PRELID2: variants seen among roughly 807,000 people sequenced by gnomAD.
The protein encoded by PRELID2 is PRELI domain containing 2, also known as PRELI domain-containing protein 2.
In PRELID2, 25 loss-of-function variants were observed where a neutral mutation model predicts 28.4. The observed-to-expected ratio is 0.88, with a 90% CI of 0.64 to 1.23. PRELID2 has a LOEUF of 1.23. Ranked by LOEUF, PRELID2 falls within the 50% of genes most tolerant of loss-of-function variation. The pLI, the probability that PRELID2 is intolerant of heterozygous loss-of-function variation, is 0.00. For missense variants in PRELID2, 201 were observed against 214.4 expected, an observed-to-expected ratio of 0.94 and a Z score of 0.39; for synonymous variants, 76 against 71.6, an observed-to-expected ratio of 1.06 and a Z score of -0.31.
At chr5:145,671,898 T>C (rs888031065) in intron 1 of PRELID2, among the ~76,000 whole-genome samples, 15 of 152,138 alleles carry the variant, frequency 9.9e-5, no homozygotes, top group African/African-American at 3.6e-4. Flanking sequence ...GGAATGTTAT[T>C]GCAATCAAAG....
At chr5:145,712,325 C>A (rs1755717286) in intron 1 of PRELID2, among the ~76,000 whole-genome samples, 1 of 152,104 alleles carries the variant, frequency 6.6e-6, no homozygotes, top group Non-Finnish European at 1.5e-5. Flanking sequence ...GAAGTTATAG[C>A]TATTGTATTT....
chr5:145,322,955 T>A, the PRELID2 span, among the ~76,000 whole-genome samples: 1 of 152,100 alleles, frequency 6.6e-6, no homozygotes, highest in Non-Finnish European at 1.5e-5. Context: ...CACTCCAGCC[T>A]GGTGACAGAG....
intron 1 of PRELID2, among the ~76,000 whole-genome samples, chr5:145,742,592 A>C (rs1756866007): frequency 2.0e-5 from 3 of 150,826 alleles, no homozygotes; most frequent in African/African-American, 7.3e-5. Context: ...TGTGTGGAAC[A>C]GAATTAAAGC....
At chr5:145,258,995 A>AAGGG in the PRELID2 span, among the ~76,000 whole-genome samples, 1 of 152,168 alleles carries the variant, frequency 6.6e-6, no homozygotes, top group Admixed American at 6.5e-5. Flanking sequence ...CTCCAGCTCC[A>AAGGG]GTCCAGGCTC....
intron 1 of PRELID2, among the ~76,000 whole-genome samples, chr5:145,601,519 G>A (rs1056933672): frequency 2.0e-5 from 3 of 152,122 alleles, no homozygotes; most frequent in Non-Finnish European, 2.9e-5. Context: ...TAGATAATTC[G>A]GACTAACTCT....
intron 1 of PRELID2, among the ~76,000 whole-genome samples, chr5:145,497,003 C>G (rs946639848): frequency 2.6e-5 from 4 of 152,046 alleles, no homozygotes; most frequent in Admixed American, 2.0e-4. Context: ...GCTAGGACTA[C>G]AGGTGTGTGC....
At chr5:145,476,382 C>T (rs994507452) in intron 1 of PRELID2, among the ~76,000 whole-genome samples, 8 of 152,192 alleles carry the variant, frequency 5.3e-5, no homozygotes, top group African/African-American at 1.7e-4. Context: ...TGGTGGCTCA[C>T]GCCTGTAATT....
chr5:145,781,662 CTATA>C (rs975490345), intron 5 of PRELID2, among the ~76,000 whole-genome samples: 3 of 145,204 alleles, frequency 2.1e-5, no homozygotes, highest in East Asian at 4.0e-4. Flanking sequence ...TATATACACA[CTATA>C]TATATACACT....
intron 1 of PRELID2, among the ~76,000 whole-genome samples, chr5:145,718,820 A>T (rs1465493607): frequency 6.6e-6 from 1 of 152,068 alleles, no homozygotes; most frequent in Non-Finnish European, 1.5e-5. Context: ...GGAGAAAAAT[A>T]TAACTGGTTT....
intron 1 of PRELID2, 51 bp downstream of exon 1, chr5:145,835,126 G>GGCAA: frequency 7.7e-7 from 1 of 1,295,050 alleles, no homozygotes; most frequent in Non-Finnish European, 1.1e-6. Context: ...AGGAGAGAGG[G>GGCAA]GCAAGCAGCG....
intron 1 of PRELID2, among the ~76,000 whole-genome samples, chr5:145,638,821 G>A (rs912391201): frequency 1.3e-5 from 2 of 152,210 alleles, no homozygotes; most frequent in African/African-American, 4.8e-5. Flanking sequence ...CAGCACCCAA[G>A]AAGCAGAGAA....
chr5:145,450,406 C>A, the PRELID2 span, among the ~76,000 whole-genome samples: 1 of 152,108 alleles, frequency 6.6e-6, no homozygotes, highest in Non-Finnish European at 1.5e-5. Context: ...GGTGGAAAAG[C>A]TGCTAAGCCG....
chr5:145,340,490 G>A, the PRELID2 span, among the ~76,000 whole-genome samples: 4 of 152,124 alleles, frequency 2.6e-5, no homozygotes, highest in Admixed American at 1.3e-4. Context: ...CTTTCAGGCT[G>A]GGCATGGTGG....
chr5:145,353,819 G>C, the PRELID2 span, among the ~76,000 whole-genome samples: 1 of 152,032 alleles, frequency 6.6e-6, no homozygotes, highest in African/African-American at 2.4e-5. Context: ...GGGGACACAG[G>C]CAAACCACAT....
At chr5:145,270,579 G>A in the PRELID2 span, among the ~76,000 whole-genome samples, 1 of 152,148 alleles carries the variant, frequency 6.6e-6, no homozygotes, top group South Asian at 2.1e-4. Context: ...TATGATTAAA[G>A]CTGCTATAAA....
At chr5:145,295,005 C>T in the PRELID2 span, among the ~76,000 whole-genome samples, 2 of 152,132 alleles carry the variant, frequency 1.3e-5, no homozygotes, top group South Asian at 2.1e-4. Context: ...GAATGAGGTA[C>T]TAGGGAACAT....
downstream of PRELID2, among the ~76,000 whole-genome samples, chr5:145,467,793 T>C (rs1752015667): frequency 6.6e-6 from 1 of 151,876 alleles, no homozygotes; most frequent in Non-Finnish European, 1.5e-5. Flanking sequence ...ACAGGTGGTA[T>C]CAAACTAGCA....
chr5:145,628,247 C>T (rs1753879448), intron 1 of PRELID2, among the ~76,000 whole-genome samples: 1 of 152,088 alleles, frequency 6.6e-6, no homozygotes, highest in African/African-American at 2.4e-5. Context: ...CATCTGCCCA[C>T]CCCTCACAAG....
At chr5:145,727,893 T>A (rs1236872224) in intron 1 of PRELID2, among the ~76,000 whole-genome samples, 3 of 152,184 alleles carry the variant, frequency 2.0e-5, no homozygotes. Flanking sequence ...TGTATTTATA[T>A]CAAGAGTAAC....
Sources: gnomAD v4.1 joint callset for allele counts (sites outside exome capture counted in the v4.1 genomes callset) on GRCh38, gnomAD v4.1.1 for gene constraint, MANE v1.5 for transcripts, NCBI Gene and HGNC (gene_info 2026-07-23, HGNC 2026-07-21) for gene names.